GSPT1: variants seen among roughly 807,000 people sequenced by gnomAD.
GSPT1 encodes the protein G1 to S phase transition 1.
GSPT1 carries 20 observed loss-of-function variants against 72.5 expected under a neutral mutation model. The observed-to-expected ratio is 0.28, with a 90% CI of 0.19 to 0.40. GSPT1 has a LOEUF of 0.40. Ranked by LOEUF, GSPT1 falls within the 10% of genes least tolerant of loss-of-function variation. The pLI is 1.00. For missense variants in GSPT1, 580 were observed against 811.9 expected (o/e 0.71, Z 3.47); for synonymous variants, 334 against 293.5 (o/e 1.14, Z -1.41).
At chr16:11,915,966 C>G, upstream of GSPT1, 1 of 724,642 alleles carries the variant, frequency 1.4e-6, no homozygotes, top group Non-Finnish European at 2.5e-6. Flanking sequence ...CGGATCTCCT[C>G]CCACCCAACC....
At chr16:11,876,329 T>G (rs2054045854) in intron 12 of GSPT1, among the ~76,000 whole-genome samples, 154 bp from the exon 13 acceptor site, 1 of 152,212 alleles carries the variant, frequency 6.6e-6, no homozygotes, top group Non-Finnish European at 1.5e-5. Context: ...AGGTTTGTCT[T>G]ACTAATTTTG....
intron 14 of GSPT1, among the ~76,000 whole-genome samples, chr16:11,874,347 T>A (rs1313659055): frequency 6.6e-6 from 1 of 150,522 alleles, no homozygotes; most frequent in Non-Finnish European, 1.5e-5. Flanking sequence ...GGCACAGCAA[T>A]CACCACTGAC....
chr16:11,911,574 A>C (rs2054557253), intron 1 of GSPT1, among the ~76,000 whole-genome samples: 1 of 91,856 alleles, frequency 1.1e-5, no homozygotes, highest in African/African-American at 4.1e-5. Flanking sequence ...TTTTTTTTTG[A>C]GACAGAGTGT....
In GSPT1 at chr16:11,915,673, C is replaced by CCCGCCGTCG. The variant is rs1555506547; in HGVS notation, c.47_48insCGACGGCGG (p.Gly16_Ser17insAspGlyGly). 3 of 1,317,396 alleles carry CCCGCCGTCG rather than the reference C, an allele frequency of 2.3e-6. No homozygotes were observed. Among genetic ancestry groups the CCCGCCGTCG allele is most frequent in the Non-Finnish European group, 3.0e-6 (3 of 1,013,822 alleles). 81.6% of individuals were successfully genotyped at this position (1,317,396 alleles called of 1,614,324 possible). A position where few individuals can be genotyped will look rare whatever the true frequency, so the allele number is the denominator to read the frequency against. On this transcript the variant is annotated inframe_insertion, in exon 1 of 15. Coordinates refer to ENST00000434724, the MANE Select transcript of GSPT1 (RefSeq NM_002094.4). Reference sequence around the variant, plus strand: ...CGCTGCTGCTGCTGCCGCTGCTGCTCCCGCCGCCGCCGCCGCCGCCGCCGC... The same window carrying CCCGCCGTCG: ...CGCTGCTGCTGCTGCCGCTGCTGCTCCCGCCGTCGCCGCCGCCGCCGCCGCCGCCGCCGC...
At chr16:11,912,201 A>T (rs1281812620) in intron 1 of GSPT1, among the ~76,000 whole-genome samples, 2 of 151,882 alleles carry the variant, frequency 1.3e-5, no homozygotes, top group Non-Finnish European at 2.9e-5. Context: ...CACACAAAAT[A>T]GCTGGGCATG....
chr16:11,879,754 AACAAAAC>A (rs1368834594), intron 11 of GSPT1, among the ~76,000 whole-genome samples: 3 of 151,798 alleles, frequency 2.0e-5, no homozygotes, highest in South Asian at 4.1e-4. Flanking sequence ...AAAAAAAAAA[AACAAAAC>A]AAAAAACAAA....
intron 14 of GSPT1, among the ~76,000 whole-genome samples, chr16:11,875,279 T>G (rs1308030770): frequency 1.3e-5 from 2 of 152,172 alleles, no homozygotes; most frequent in East Asian, 3.9e-4. Flanking sequence ...AAACGTTTCA[T>G]AACAATCATT....
chr16:11,875,948 T>A lies in GSPT1; in HGVS notation c.1693-19A>T, dbSNP rs764237016. The stretch of plus-strand genomic sequence containing the variant: ...TTAAGGCCTAACCAAGAAAAGAGTA[T>A]GAGAAAATCAGAATAATGCCAAATA... On this transcript the variant is annotated intron_variant, in intron 13 of 14. Coordinates refer to ENST00000434724, the MANE Select transcript of GSPT1 (RefSeq NM_002094.4). 1.9e-6 allele frequency: 3 copies of A among 1,602,582 alleles called. No homozygotes were observed. The highest frequency in any genetic ancestry group is 1.1e-5 in the South Asian group (1 of 89,698).
chr16:11,915,001 T>C (rs1202419070), intron 1 of GSPT1: 1 of 1,289,378 alleles, frequency 7.8e-7, no homozygotes, highest in East Asian at 5.5e-5. Context: ...AAATGACTCC[T>C]GGCTCCATCT....
In GSPT1 at chr16:11,877,381, T is replaced by C. The variant is rs376552811; in HGVS notation, c.1602+26A>G. On this transcript the variant is annotated intron_variant, in intron 12 of 14. Coordinates refer to ENST00000434724, the MANE Select transcript of GSPT1 (RefSeq NM_002094.4). The surrounding 1 kb of genome is among the most constrained non-coding windows in gnomAD (Gnocchi z 4.0). Reference sequence around the variant, plus strand: ...ATTTCATTTAGACATTAAAACCCACTATGACAACAACAATAATTTGTTTAC... The same window carrying C: ...ATTTCATTTAGACATTAAAACCCACCATGACAACAACAATAATTTGTTTAC... The C allele has an allele frequency of 1.3e-4, 196 of 1,507,380 alleles. No homozygotes were observed. Among genetic ancestry groups the C allele is most frequent in the Middle Eastern group, 8.8e-4 (5 of 5,692 alleles). The allele number at this position is 1,507,380 out of a possible 1,614,324, so 93.4% of individuals were successfully genotyped here.
chr16:11,870,724 G>A lies in GSPT1; in HGVS notation c.*2395C>T, dbSNP rs144332694. On this transcript the variant is annotated 3_prime_UTR_variant, in exon 15 of 15. Transcript: ENST00000434724. ...AATTTTCAAAGCCCATAGAACTTAT[G>A]TTGCTGGTTAATTTTAGCACTGAAA... 6.6e-5 allele frequency: 10 copies of A among 152,334 alleles called. 1 individual carries two copies. In the East Asian group the frequency reaches 1.9e-3, roughly 29 times the overall value. The allele number at this position is 152,334 out of a possible 1,614,324, so 9.4% of individuals were successfully genotyped here.
chr16:11,884,261 T>C (rs2054159618), intron 10 of GSPT1, among the ~76,000 whole-genome samples: 1 of 152,280 alleles, frequency 6.6e-6, no homozygotes, highest in South Asian at 2.1e-4. Context: ...CACAGTATTT[T>C]TGCGATGCTA....
At chr16:11,878,962 G>C (rs187926826) in intron 11 of GSPT1, among the ~76,000 whole-genome samples, 3 of 151,690 alleles carry the variant, frequency 2.0e-5, no homozygotes, top group African/African-American at 7.3e-5. Context: ...TGTAATCCCA[G>C]CTACTCAGGA....
rs1219980331 is a variant in GSPT1, at chr16:11,881,737, T to G, written c.1428+1278A>C. On this transcript the variant is annotated intron_variant, in intron 11 of 14. Transcript: ENST00000434724. ...TGGTGTGATCAGAGCTCATAAATCA[T>G]AGCAACCTTGACTTCCTGGGCTCAA... 7 of 144,146 alleles carry G rather than the reference T, an allele frequency of 4.9e-5. No homozygotes were observed. The East Asian group carries it at 1.5e-3, about 30-fold the overall frequency. 8.9% of individuals were successfully genotyped at this position (144,146 alleles called of 1,614,324 possible). A position where few individuals can be genotyped will look rare whatever the true frequency, so the allele number is the denominator to read the frequency against.
intron 1 of GSPT1, among the ~76,000 whole-genome samples, chr16:11,911,630 G>T (rs1434534561): frequency 6.8e-6 from 1 of 147,322 alleles, no homozygotes; most frequent in Non-Finnish European, 1.5e-5. Flanking sequence ...TCGGCTCACT[G>T]CAACCTCCGC....
In GSPT1 at chr16:11,870,484, TA is replaced by T. The variant is rs1009688885; in HGVS notation, c.*2634del. 7 of 152,362 alleles carry T rather than the reference TA, an allele frequency of 4.6e-5. No individual in the cohort carries two copies. Among genetic ancestry groups the T allele is most frequent in the Admixed American group, 4.6e-4 (7 of 15,298 alleles). The allele number at this position is 152,362 out of a possible 1,614,324, so 9.4% of individuals were successfully genotyped here. A position where few individuals can be genotyped will look rare whatever the true frequency, so the allele number is the denominator to read the frequency against. ...ACAAATGCTTAGGTAATACCCTAAA[TA>T]TGCAGCCAACTACCCTATTTTTGCA... is the stretch of plus-strand genomic sequence containing the variant. On this transcript the variant is annotated 3_prime_UTR_variant, in exon 15 of 15. Transcript: ENST00000434724.
rs1555506606 is a variant in GSPT1, at chr16:11,915,924, G to GTCA, written c.-205_-204insTGA. On this transcript the variant is annotated 5_prime_UTR_variant, in exon 1 of 15. Transcript: ENST00000434724. ...CGACGACGACAGAGGCGGCGGCGGC[G>GTCA]GCAGCTCAACCCTCCTCCTCGTGTG... 2.6e-6 allele frequency: 2 copies of GTCA among 782,796 alleles called. No homozygotes were observed. The highest frequency in any genetic ancestry group is 4.5e-6 in the Non-Finnish European group (2 of 442,676). The allele number at this position is 782,796 out of a possible 1,614,324, so 48.5% of individuals were successfully genotyped here. A position where few individuals can be genotyped will look rare whatever the true frequency, so the allele number is the denominator to read the frequency against.
chr16:11,910,729 G>A (rs1038860678), intron 1 of GSPT1, among the ~76,000 whole-genome samples: 4 of 152,194 alleles, frequency 2.6e-5, no homozygotes, highest in African/African-American at 9.6e-5. Context: ...TGAAATTGCT[G>A]TCTTTTCACG....
chr16:11,886,344 T>G, intron 9 of GSPT1, 127 bp downstream of exon 9: 1 of 602,828 alleles, frequency 1.7e-6, no homozygotes, highest in Non-Finnish European at 2.8e-6. Flanking sequence ...TAATATTTTC[T>G]TAAATTACTT....
Sources: gnomAD v4.1 joint callset for allele counts (sites outside exome capture counted in the v4.1 genomes callset) on GRCh38, gnomAD v4.1.1 for gene constraint, Gnocchi (gnomAD v3.1) non-coding constraint, MANE v1.5 for transcripts, NCBI Gene and HGNC (gene_info 2026-07-23, HGNC 2026-07-21) for gene names.